OR2L13: variants seen among roughly 807,000 people sequenced by gnomAD.
OR2L13 encodes the protein olfactory receptor 2L13.
In OR2L13, 14 loss-of-function variants were observed where a neutral mutation model predicts 15.3. The observed-to-expected ratio is 0.91, with a 90% confidence interval of 0.60 to 1.43. The LOEUF (loss-of-function observed/expected upper bound fraction) is 1.43, where lower values mean the gene tolerates loss of function less well. OR2L13 is among the 40% of genes most tolerant of loss of function. The pLI is 0.00. For missense variants in OR2L13, 367 were observed against 387.9 expected (o/e 0.95, Z 0.45); for synonymous variants, 152 against 142.9 (o/e 1.06, Z -0.45).
the OR2L13 span, among the ~76,000 whole-genome samples, chr1:247,978,992 A>G: frequency 6.6e-6 from 1 of 152,180 alleles, no homozygotes; most frequent in Non-Finnish European, 1.5e-5. Flanking sequence ...ACAGGATCCC[A>G]GTGGGTAGTC....
the OR2L13 span, among the ~76,000 whole-genome samples, chr1:247,947,199 T>G: frequency 6.6e-6 from 1 of 152,250 alleles, no homozygotes; most frequent in East Asian, 1.9e-4. Context: ...ATTTATTTTA[T>G]GGATTTCATA....
the OR2L13 span, among the ~76,000 whole-genome samples, chr1:248,086,599 G>T: frequency 1.4e-4 from 22 of 151,974 alleles, no homozygotes; most frequent in African/African-American, 4.8e-4. Context: ...TTTGAATAAA[G>T]GATTTTTTGG....
chr1:247,950,354 T>C, the OR2L13 span, among the ~76,000 whole-genome samples: 1 of 152,180 alleles, frequency 6.6e-6, no homozygotes, highest in Non-Finnish European at 1.5e-5. Context: ...GGATGGCCTG[T>C]GACAAGTTTA....
At chr1:247,981,871 A>G in the OR2L13 span, among the ~76,000 whole-genome samples, 1 of 150,162 alleles carries the variant, frequency 6.7e-6, no homozygotes. Flanking sequence ...GCTGGAGTGC[A>G]GTGGTGTGAT....
the OR2L13 span, chr1:248,084,064 C>G: frequency 6.2e-7 from 1 of 1,610,600 alleles, no homozygotes; most frequent in Non-Finnish European, 8.5e-7. Context: ...ACGGGGGCCT[C>G]GCAGAAGAAG....
the OR2L13 span, among the ~76,000 whole-genome samples, chr1:248,055,281 A>C: frequency 2.0e-5 from 3 of 152,184 alleles, no homozygotes; most frequent in Non-Finnish European, 4.4e-5. Context: ...CATCCAGGGG[A>C]TGAAGCTGAC....
upstream of OR2L13, among the ~76,000 whole-genome samples, chr1:248,092,631 T>C (rs2103189861): frequency 6.6e-6 from 1 of 152,326 alleles, no homozygotes; most frequent in Non-Finnish European, 1.5e-5. Context: ...CACAGTCTTC[T>C]TAGAAGGGTT....
chr1:248,068,580 C>T, the OR2L13 span, among the ~76,000 whole-genome samples: 1 of 152,198 alleles, frequency 6.6e-6, no homozygotes, highest in Non-Finnish European at 1.5e-5. Context: ...ACCTCTCCTC[C>T]TCCAAAGGAA....
chr1:247,986,718 AC>A, the OR2L13 span, among the ~76,000 whole-genome samples: 11 of 152,138 alleles, frequency 7.2e-5, no homozygotes, highest in Admixed American at 5.2e-4. Context: ...GGCCATTTTC[AC>A]GATATTGATT....
upstream of OR2L13, among the ~76,000 whole-genome samples, chr1:248,091,999 T>A (rs1664607814): frequency 6.6e-6 from 1 of 152,142 alleles, no homozygotes; most frequent in South Asian, 2.1e-4. Flanking sequence ...ATTGTAGAGA[T>A]CTTTCACCAC....
the OR2L13 span, among the ~76,000 whole-genome samples, chr1:248,047,415 C>T: frequency 6.6e-6 from 1 of 152,098 alleles, no homozygotes; most frequent in Non-Finnish European, 1.5e-5. Flanking sequence ...GTTAAAGGGG[C>T]ATTAAAGTAA....
chr1:247,978,610 T>G, the OR2L13 span, among the ~76,000 whole-genome samples: 1 of 152,198 alleles, frequency 6.6e-6, no homozygotes, highest in Admixed American at 6.5e-5. Context: ...ACAGGTCACT[T>G]TTATTTACAT....
the OR2L13 span, among the ~76,000 whole-genome samples, chr1:248,079,939 A>G: frequency 6.6e-6 from 1 of 152,208 alleles, no homozygotes; most frequent in African/African-American, 2.4e-5. Flanking sequence ...CAAGCCACAC[A>G]TTGGAAGATA....
At chr1:247,994,203 T>C in the OR2L13 span, among the ~76,000 whole-genome samples, 3 of 152,148 alleles carry the variant, frequency 2.0e-5, no homozygotes, top group Admixed American at 6.5e-5. Context: ...GAGACCATCC[T>C]GGCTAACACG....
At chr1:248,083,488 T>A in the OR2L13 span, 1 of 684,568 alleles carries the variant, frequency 1.5e-6, no homozygotes, top group African/African-American at 1.8e-5. Context: ...TATCTCTCAA[T>A]ACAATTAGCT....
the OR2L13 span, among the ~76,000 whole-genome samples, chr1:247,954,228 T>A: frequency 6.6e-6 from 1 of 152,198 alleles, no homozygotes; most frequent in African/African-American, 2.4e-5. Context: ...CAACCACCAC[T>A]ACTAAATTTT....
the OR2L13 span, among the ~76,000 whole-genome samples, chr1:247,963,792 CA>C: frequency 5.3e-5 from 8 of 152,134 alleles, no homozygotes; most frequent in African/African-American, 1.9e-4. Context: ...CATTGTGTAT[CA>C]TTCCATAGGT....
At chr1:248,068,296 A>G in the OR2L13 span, among the ~76,000 whole-genome samples, 1 of 152,044 alleles carries the variant, frequency 6.6e-6, no homozygotes, top group Non-Finnish European at 1.5e-5. Context: ...CCTCTGAGAC[A>G]AAATTTCCAG....
the OR2L13 span, chr1:248,022,247 TTTC>T: frequency 1.5e-4 from 235 of 1,614,052 alleles, no homozygotes; most frequent in African/African-American, 1.7e-3. Context: ...GGATTCAGAG[TTTC>T]TTCTTCATGA....
Sources: allele counts gnomAD v4.1 joint callset (sites outside exome capture counted in the v4.1 genomes callset), GRCh38; gene constraint gnomAD v4.1.1; transcripts MANE v1.5; gene names NCBI Gene and HGNC (gene_info 2026-07-23, HGNC 2026-07-21).